Variants in TRA2A observed in about 807,000 individuals in gnomAD.
The protein encoded by TRA2A is transformer-2 protein homolog alpha.
Under a neutral mutation model 45.7 loss-of-function variants are expected in TRA2A, and 31 were observed. The ratio of observed to expected loss-of-function variants is 0.68; its 90% CI spans 0.51 to 0.92. The LOEUF is 0.92. TRA2A is among the 40% of genes least tolerant of loss of function. The pLI is 0.00. For synonymous variants in TRA2A, 132 were observed against 126.2 expected (o/e 1.05, Z -0.31); for missense variants, 304 against 367.5 (o/e 0.83, Z 1.41).
In TRA2A at chr7:23,505,128, G is replaced by A. The variant is rs1789254134; in HGVS notation, c.*431C>T. The A allele has an allele frequency of 6.4e-6, 1 of 156,838 alleles. No homozygotes were observed. The highest frequency in any genetic ancestry group is 6.5e-5 in the Admixed American group (1 of 15,314). 9.7% of individuals were successfully genotyped at this position (156,838 alleles called of 1,614,324 possible). On this transcript the variant is annotated 3_prime_UTR_variant, in exon 8 of 8. Coordinates refer to ENST00000297071, the MANE Select transcript of TRA2A (RefSeq NM_013293.5). ...CACCCCAGACAAACCTGACATGACT[G>A]AACTACTTCATGTGTTACTTTCCCA...
intron 1 of TRA2A, 106 bp downstream of exon 1, chr7:23,531,683 G>GT (rs1452403274): frequency 1.6e-6 from 2 of 1,234,014 alleles, no homozygotes; most frequent in Admixed American, 3.6e-5. Flanking sequence ...GGCTCCAGAG[G>GT]TTGCTCCTCG....
rs1035231757 is a variant in TRA2A at position 23,517,781 on chromosome 7, G to A, written c.171-1253C>T. On this transcript the variant is annotated intron_variant, in intron 2 of 7. Coordinates refer to ENST00000297071, the MANE Select transcript of TRA2A (RefSeq NM_013293.5). ...ACAAAAATTAGCTGGGCGTGGTGGC[G>A]CACACCTGTCATCCCAGCTACTTGG... Among the ~76,000 whole-genome samples, 5 of 151,324 alleles carry A rather than the reference G, an allele frequency of 3.3e-5. 1 individual carries two copies. Among genetic ancestry groups the A allele is most frequent in the East Asian group, 4.0e-4 (2 of 5,046 alleles).
At chr7:23,521,321 C>T (rs1790124929) in intron 2 of TRA2A, among the ~76,000 whole-genome samples, 1 of 152,214 alleles carries the variant, frequency 6.6e-6, no homozygotes, top group African/African-American at 2.4e-5. Flanking sequence ...ATATTGTTGG[C>T]ATAGAAACCA....
chr7:23,511,926 T>C (rs1407666654), intron 4 of TRA2A, among the ~76,000 whole-genome samples: 2 of 152,212 alleles, frequency 1.3e-5, no homozygotes, highest in African/African-American at 4.8e-5. Context: ...ACAAGTTCCT[T>C]CCTCATTATA....
chr7:23,514,405 T>C (rs1354117553), intron 3 of TRA2A, among the ~76,000 whole-genome samples: 1 of 152,142 alleles, frequency 6.6e-6, no homozygotes, highest in African/African-American at 2.4e-5. Flanking sequence ...TCTAATTAGA[T>C]GGGGAGGAAA....
At chr7:23,506,067 T>G in intron 6 of TRA2A, 71 bp downstream of exon 6, 1 of 1,330,286 alleles carries the variant, frequency 7.5e-7, no homozygotes, top group Non-Finnish European at 1.0e-6. Flanking sequence ...TTCATATGTA[T>G]CCAACATAAA....
chr7:23,516,564 A>G, intron 2 of TRA2A, 36 bp from the exon 3 acceptor site: 1 of 1,599,286 alleles, frequency 6.3e-7, no homozygotes, highest in South Asian at 1.1e-5. Flanking sequence ...AAATACTGAA[A>G]CAAAATGGCT....
chr7:23,525,662 T>C (rs1256511645), intron 1 of TRA2A, among the ~76,000 whole-genome samples: 1 of 152,236 alleles, frequency 6.6e-6, no homozygotes, highest in East Asian at 1.9e-4. Context: ...AGTGGCACAA[T>C]CTTCTCATTG....
At chr7:23,507,008 C>A (rs1238535905) in intron 5 of TRA2A, 1 of 158,100 alleles carries the variant, frequency 6.3e-6, no homozygotes, top group Non-Finnish European at 1.4e-5. Flanking sequence ...CGTGATCCAC[C>A]CGCCTCGGCC....
At chr7:23,515,982 G>T (rs1562792890) in intron 3 of TRA2A, among the ~76,000 whole-genome samples, 1 of 151,898 alleles carries the variant, frequency 6.6e-6, no homozygotes, top group Non-Finnish European at 1.5e-5. Flanking sequence ...TGAGACCAGA[G>T]GGGTCAACAT....
intron 6 of TRA2A, 21 bp from the exon 7 acceptor site, chr7:23,505,834 C>CTT: frequency 7.1e-7 from 1 of 1,418,038 alleles, no homozygotes; most frequent in Non-Finnish European, 9.6e-7. Context: ...TGAAAGATTA[C>CTT]TTAGCATACT....
chr7:23,521,628 A>G (rs1790140865), intron 2 of TRA2A, 79 bp downstream of exon 2: 3 of 1,518,644 alleles, frequency 2.0e-6, no homozygotes, highest in Admixed American at 1.8e-5. Flanking sequence ...TGAAATTTCT[A>G]CACAAAATGC....
intron 2 of TRA2A, among the ~76,000 whole-genome samples, chr7:23,517,950 T>C (rs1412336115): frequency 6.6e-6 from 1 of 151,436 alleles, no homozygotes; most frequent in Non-Finnish European, 1.5e-5. Context: ...TTTGATTTTC[T>C]GCTACTTTCT....
At chr7:23,506,358 T>C (rs1300522499) in intron 5 of TRA2A, 92 bp from the exon 6 acceptor site, 8 of 1,368,262 alleles carry the variant, frequency 5.8e-6, no homozygotes, top group Non-Finnish European at 6.7e-6. Context: ...AAGAGAAAAG[T>C]GAGGAAGAAC....
chr7:23,518,623 G>A (rs1353357300), intron 2 of TRA2A, among the ~76,000 whole-genome samples: 3 of 150,722 alleles, frequency 2.0e-5, no homozygotes, highest in African/African-American at 4.9e-5. Flanking sequence ...TTACAGGCAT[G>A]AGCCACCGTG....
At chr7:23,519,518 T>C (rs139162387) in intron 2 of TRA2A, among the ~76,000 whole-genome samples, 3,276 of 152,212 alleles carry the variant, frequency 0.022, 129 homozygotes, top group African/African-American at 0.076. Flanking sequence ...ATCACACCAC[T>C]GCACTCCAGC....
chr7:23,521,398 G>C (rs910262950), intron 2 of TRA2A, among the ~76,000 whole-genome samples: 1 of 152,150 alleles, frequency 6.6e-6, no homozygotes, highest in African/African-American at 2.4e-5. Flanking sequence ...TGTACTGGTT[G>C]CAACTATCCA....
At chr7:23,510,329 T>C (rs1789541118) in intron 4 of TRA2A, among the ~76,000 whole-genome samples, 1 of 152,160 alleles carries the variant, frequency 6.6e-6, no homozygotes, top group Non-Finnish European at 1.5e-5. Flanking sequence ...TAAGCTTTTT[T>C]TTCTTTTCTT....
At chr7:23,511,188 A>G (rs1789584936) in intron 4 of TRA2A, among the ~76,000 whole-genome samples, 1 of 151,734 alleles carries the variant, frequency 6.6e-6, no homozygotes, top group Non-Finnish European at 1.5e-5. Flanking sequence ...TGGCTAACAC[A>G]GTGAAACCCT....
Sources: gnomAD v4.1 joint callset for allele counts (sites outside exome capture counted in the v4.1 genomes callset) on GRCh38, gnomAD v4.1.1 for gene constraint, MANE v1.5 for transcripts, NCBI Gene and HGNC (gene_info 2026-07-23, HGNC 2026-07-21) for gene names.